The following TXNDC16 variants were observed in gnomAD, a reference collection of about 807,000 sequenced individuals.
The protein encoded by TXNDC16 is thioredoxin domain-containing protein 16.
In TXNDC16, 74 loss-of-function variants were observed where a neutral mutation model predicts 85.6. The observed-to-expected ratio is 0.86, with a 90% CI of 0.72 to 1.05. TXNDC16 has a LOEUF of 1.05. Ranked by LOEUF, TXNDC16 falls within the 50% of genes least tolerant of loss-of-function variation. The pLI, the probability that TXNDC16 is intolerant of heterozygous loss-of-function variation, is 0.00. For missense variants in TXNDC16, 959 were observed against 947.0 expected (o/e 1.01, Z -0.17); for synonymous variants, 335 against 326.5 (o/e 1.03, Z -0.28).
chr14:52,442,714 A>T (rs1304843156), intron 18 of TXNDC16, among the ~76,000 whole-genome samples: 1 of 151,984 alleles, frequency 6.6e-6, no homozygotes, highest in Non-Finnish European at 1.5e-5. Context: ...CTTGTAGTTG[A>T]GTTAGATCCC....
chr14:52,534,165 C>T (rs1261546021), intron 6 of TXNDC16, among the ~76,000 whole-genome samples: 1 of 152,096 alleles, frequency 6.6e-6, no homozygotes, highest in Non-Finnish European at 1.5e-5. Flanking sequence ...TACCCAAAAG[C>T]CTAAACTTAT....
chr14:52,441,134 ATTAC>A (rs2140102443), intron 18 of TXNDC16, among the ~76,000 whole-genome samples: 1 of 152,302 alleles, frequency 6.6e-6, no homozygotes, highest in East Asian at 1.9e-4. Flanking sequence ...AACATCTATC[ATTAC>A]TTAATAAATA....
At chr14:52,541,053 C>T (rs897482364) in intron 4 of TXNDC16, among the ~76,000 whole-genome samples, 9 of 151,762 alleles carry the variant, frequency 5.9e-5, no homozygotes, top group African/African-American at 1.7e-4. Context: ...CTGGCCAATA[C>T]GGTGAAACCC....
chr14:52,470,084 T>C lies in TXNDC16; in HGVS notation c.1571A>G (p.Tyr524Cys), dbSNP rs760445094. 3.1e-6 allele frequency: 5 copies of C among 1,611,558 alleles called. No individual in the cohort carries two copies. Among genetic ancestry groups the C allele is most frequent in the Non-Finnish European group, 4.2e-6 (5 of 1,178,754 alleles). ...TAGTCCCAATACTGACACACTAGAA[T>C]ACAAGATGAGGTCTTTATATAATTC... ...SGELYKDLILYSSVSVLGLFS... is the reference protein window; with the variant it reads ...SGELYKDLILCSSVSVLGLFS... The change falls in exon 16 of 21, where the codon TAT (tyrosine) becomes TGT (cysteine). Residue 524 changes from tyrosine to cysteine, a missense_variant. Tyr to Cys is a radical substitution (Grantham distance 194). Coordinates refer to ENST00000281741, the MANE Select transcript of TXNDC16 (RefSeq NM_020784.3).
At position 52,537,691 on chromosome 14, in the gene TXNDC16, A is replaced by C. The variant is rs375727457; in HGVS notation, c.244-19T>G. 20 of 1,421,944 alleles carry C rather than the reference A, an allele frequency of 1.4e-5. No individual in the cohort carries two copies. The highest frequency in any genetic ancestry group is 1.9e-5 in the Non-Finnish European group (19 of 1,012,482). 88.1% of individuals were successfully genotyped at this position (1,421,944 alleles called of 1,614,324 possible). ...AATTAACCTTTAAAAGAGTATACTT[A>C]AGTTTTAGCATATATATCAAAAGGT... On this transcript the variant is annotated intron_variant, in intron 4 of 20. Coordinates refer to ENST00000281741, the MANE Select transcript of TXNDC16 (RefSeq NM_020784.3).
chr14:52,549,159 G>A (rs189958221), intron 1 of TXNDC16, among the ~76,000 whole-genome samples: 7 of 152,280 alleles, frequency 4.6e-5, no homozygotes, highest in Middle Eastern at 6.8e-3. Context: ...TGATCCTTTG[G>A]GCTGCGAGAG....
intron 18 of TXNDC16, among the ~76,000 whole-genome samples, chr14:52,441,779 C>T (rs991761647): frequency 6.6e-6 from 1 of 152,122 alleles, no homozygotes; most frequent in Non-Finnish European, 1.5e-5. Flanking sequence ...GAAGCTTTCT[C>T]TTGGCCACTG....
chr14:52,448,737 C>T (rs1488346205), intron 18 of TXNDC16, among the ~76,000 whole-genome samples: 1 of 152,008 alleles, frequency 6.6e-6, no homozygotes, highest in Non-Finnish European at 1.5e-5. Context: ...TTTCAAGACA[C>T]AGATGGTACA....
At chr14:52,472,832 C>T (rs762825796) in intron 14 of TXNDC16, among the ~76,000 whole-genome samples, 60 of 152,150 alleles carry the variant, frequency 3.9e-4, no homozygotes, top group Middle Eastern at 3.4e-3. Context: ...TGAAAAGCAG[C>T]CCCAAATCTT....
At chr14:52,442,816 CA>C (rs2035197468) in intron 18 of TXNDC16, among the ~76,000 whole-genome samples, 1 of 152,062 alleles carries the variant, frequency 6.6e-6, no homozygotes, top group African/African-American at 2.4e-5. Flanking sequence ...TTATTGAGGA[CA>C]AAGTTCAAGA....
At chr14:52,515,225 AC>A (rs1442201163) in intron 7 of TXNDC16, among the ~76,000 whole-genome samples, 1 of 152,132 alleles carries the variant, frequency 6.6e-6, no homozygotes, top group Non-Finnish European at 1.5e-5. Context: ...TATACAACAA[AC>A]TTGTGGTAGT....
chr14:52,467,008 T>C (rs192067619), intron 16 of TXNDC16, among the ~76,000 whole-genome samples: 9 of 151,590 alleles, frequency 5.9e-5, no homozygotes, highest in Admixed American at 5.9e-4. Context: ...CAAGAAAATA[T>C]TTAAAAAGAC....
At chr14:52,457,289 T>C (rs1021335154) in intron 16 of TXNDC16, 115 bp from the exon 17 acceptor site, 1 of 546,148 alleles carries the variant, frequency 1.8e-6, no homozygotes, top group Non-Finnish European at 3.1e-6. Context: ...TACAAAAATA[T>C]TTAAGTGCAG....
intron 9 of TXNDC16, among the ~76,000 whole-genome samples, chr14:52,496,216 TG>T (rs2036529164): frequency 6.6e-6 from 1 of 150,846 alleles, no homozygotes; most frequent in East Asian, 1.9e-4. Flanking sequence ...CAGACAATGA[TG>T]GGACAGGCAT....
At chr14:52,529,203 C>T (rs1333018181) in intron 6 of TXNDC16, among the ~76,000 whole-genome samples, 3 of 150,224 alleles carry the variant, frequency 2.0e-5, no homozygotes, top group African/African-American at 7.3e-5. Context: ...TGGAAACCAT[C>T]ATTCTCAGCA....
intron 20 of TXNDC16, among the ~76,000 whole-genome samples, chr14:52,438,577 T>A (rs1481828779): frequency 6.6e-6 from 1 of 152,240 alleles, no homozygotes. Flanking sequence ...TTCAGTATAG[T>A]GTAAACATAA....
At chr14:52,440,761 A>G (rs1297732814) in intron 18 of TXNDC16, 37 bp from the exon 19 acceptor site, 2 of 1,588,360 alleles carry the variant, frequency 1.3e-6, no homozygotes, top group Non-Finnish European at 1.7e-6. Flanking sequence ...TAAAAAATGC[A>G]TTGGGGATGA....
intron 6 of TXNDC16, among the ~76,000 whole-genome samples, chr14:52,535,107 T>C (rs2037669439): frequency 6.6e-6 from 1 of 152,196 alleles, no homozygotes; most frequent in South Asian, 2.1e-4. Flanking sequence ...AAAGACTTCT[T>C]TTTCTGTTTC....
chr14:52,513,880 C>T (rs4901282), intron 8 of TXNDC16, among the ~76,000 whole-genome samples: 39,331 of 151,744 alleles, frequency 0.26, 5,215 homozygotes, highest in East Asian at 0.38. Flanking sequence ...AGAGAAACTG[C>T]GGGGCTAGCA....
Sources: gnomAD v4.1 joint callset for allele counts (sites outside exome capture counted in the v4.1 genomes callset) on GRCh38, gnomAD v4.1.1 for gene constraint, MANE v1.5 for transcripts, NCBI Gene and HGNC (gene_info 2026-07-23, HGNC 2026-07-21) for gene names.